Variants in CDHR3 observed in about 807,000 individuals in gnomAD.
CDHR3 encodes the protein cadherin-related family member 3.
Under a neutral mutation model 86.6 loss-of-function variants are expected in CDHR3, and 79 were observed. That is an observed-to-expected ratio of 0.91 (90% CI 0.76 to 1.10). The LOEUF (loss-of-function observed/expected upper bound fraction) is 1.10. Among genes scored for constraint, CDHR3 ranks in the 50% least tolerant of loss-of-function variants. The pLI is 0.00. For missense variants in CDHR3, 1,081 were observed against 1,077.6 expected (o/e 1.00, Z -0.04); for synonymous variants, 421 against 402.4 (o/e 1.05, Z -0.55).
intron 8 of CDHR3, among the ~76,000 whole-genome samples, chr7:106,009,706 C>T (rs997037467): frequency 2.0e-5 from 3 of 152,214 alleles, no homozygotes; most frequent in Admixed American, 1.3e-4. Context: ...CCTTTCGTAC[C>T]GTGGCCCCTG....
intron 2 of CDHR3, among the ~76,000 whole-genome samples, chr7:105,977,005 T>TG (rs1322637669): frequency 4.2e-5 from 6 of 143,132 alleles, no homozygotes; most frequent in African/African-American, 1.3e-4. Context: ...TTTTTTGAGA[T>TG]GGGGTCTCAC....
In CDHR3 at chr7:106,032,495, C is replaced by T. The variant is rs1364793075; in HGVS notation, c.2456C>T (p.Ala819Val). ...TGGAAAGAGTCCAGCCACCAGGGAGCTGCCCCACGCAGAGTCACTGCTGGG... is the reference window on the plus strand; with the variant it reads ...TGGAAAGAGTCCAGCCACCAGGGAGTTGCCCCACGCAGAGTCACTGCTGGG... The part of the protein sequence containing the change: ...PKWKESSHQG[A>V]APRRVTAGEG... The change falls in exon 19 of 19, where the codon GCT becomes GTT. Residue 819 changes from alanine (A) to valine (V), a missense_variant. Coordinates refer to ENST00000317716, the MANE Select transcript of CDHR3 (RefSeq NM_152750.5). 1 of 1,613,962 alleles carries T rather than the reference C, an allele frequency of 6.2e-7. No homozygotes were observed. Among genetic ancestry groups the T allele is most frequent in the Non-Finnish European group, 8.5e-7 (1 of 1,179,872 alleles).
intron 16 of CDHR3, among the ~76,000 whole-genome samples, chr7:106,028,181 A>ATAAAAT (rs1563310292): frequency 1.1e-4 from 15 of 139,752 alleles, no homozygotes; most frequent in African/African-American, 4.0e-4. Flanking sequence ...ATAAAATAAA[A>ATAAAAT]GGGCTTGGGA....
intron 4 of CDHR3, among the ~76,000 whole-genome samples, chr7:105,992,000 CTTAAT>C (rs1003989490): frequency 2.6e-5 from 4 of 152,220 alleles, no homozygotes; most frequent in Non-Finnish European, 4.4e-5. Flanking sequence ...AGTCACCAAA[CTTAAT>C]TTATTACCCT....
intron 6 of CDHR3, among the ~76,000 whole-genome samples, chr7:106,000,154 A>G (rs943292816): frequency 6.6e-6 from 1 of 152,170 alleles, no homozygotes; most frequent in African/African-American, 2.4e-5. Context: ...TGAGAAGGGG[A>G]TATGTCAAGT....
Position 105,988,432 on chromosome 7 carries a change from C to T in CDHR3, c.513+4143C>T, listed in dbSNP as rs1478424845. ...GAAGCGACCTAGGCTTGGTTTGTGT[C>T]TGTCATCTTAACCTGGTGGGGTCCA... On this transcript the variant is annotated intron_variant, in intron 4 of 18. Transcript: ENST00000317716. Among the ~76,000 whole-genome samples, 5 of 152,340 alleles carry T rather than the reference C, an allele frequency of 3.3e-5. No individual in the cohort carries two copies. In the East Asian group the frequency reaches 7.7e-4, roughly 23 times the overall value.
chr7:105,983,939 C>T lies in CDHR3; in HGVS notation c.416-253C>T, dbSNP rs1258935849. On this transcript the variant is annotated intron_variant, in intron 3 of 18. Coordinates refer to ENST00000317716, the MANE Select transcript of CDHR3 (RefSeq NM_152750.5). ...CACCTCAAACAGCATCACCCTGGGG[C>T]ACCTCTCAACAGAGGACATGAATGA... Among the ~76,000 whole-genome samples, 5 of 152,204 alleles carry T rather than the reference C, an allele frequency of 3.3e-5. No individual in the cohort carries two copies. The South Asian group carries it at 1.0e-3, about 32-fold the overall frequency.
At chr7:105,970,106 A>G (rs1378435534) in intron 1 of CDHR3, among the ~76,000 whole-genome samples, 2 of 152,082 alleles carry the variant, frequency 1.3e-5, no homozygotes, top group East Asian at 3.9e-4. Context: ...CTATTGAGTG[A>G]TGGTCTCAGG....
intron 6 of CDHR3, among the ~76,000 whole-genome samples, chr7:105,998,789 A>AAAAAAG (rs923596568): frequency 2.0e-5 from 3 of 152,132 alleles, no homozygotes; most frequent in East Asian, 1.9e-4. Context: ...CATCTCAAAC[A>AAAAAAG]AAAAAGAAAA....
chr7:105,989,572 C>G (rs1430997416), intron 4 of CDHR3, among the ~76,000 whole-genome samples: 1 of 152,102 alleles, frequency 6.6e-6, no homozygotes, highest in Non-Finnish European at 1.5e-5. Flanking sequence ...CCTTCTCTTT[C>G]TGTCTTTATC....
intron 14 of CDHR3, among the ~76,000 whole-genome samples, chr7:106,024,153 A>C (rs563943058): frequency 1.4e-4 from 21 of 152,224 alleles, no homozygotes; most frequent in South Asian, 8.3e-4. Context: ...TAAGGCCTAG[A>C]GTTGTTTTTC....
intron 6 of CDHR3, among the ~76,000 whole-genome samples, chr7:105,998,959 T>C (rs894583111): frequency 1.3e-5 from 2 of 152,224 alleles, no homozygotes; most frequent in Non-Finnish European, 2.9e-5. Context: ...CACCTGGTGC[T>C]TGGCAGTGTC....
At chr7:105,981,688 TC>T (rs1235547165) in intron 3 of CDHR3, among the ~76,000 whole-genome samples, 2 of 152,108 alleles carry the variant, frequency 1.3e-5, no homozygotes, top group African/African-American at 4.8e-5. Flanking sequence ...AACACAAACA[TC>T]CACCTTTCTC....
intron 5 of CDHR3, among the ~76,000 whole-genome samples, chr7:105,995,869 G>A (rs995704590): frequency 6.6e-6 from 1 of 152,132 alleles, no homozygotes; most frequent in South Asian, 2.1e-4. Context: ...GAGGCTCCTG[G>A]CTCTGCGTCG....
intron 8 of CDHR3, among the ~76,000 whole-genome samples, chr7:106,009,313 A>G (rs1834408511): frequency 6.6e-6 from 1 of 152,126 alleles, no homozygotes; most frequent in Admixed American, 6.5e-5. Context: ...TTCAGCCTAA[A>G]GCCCAGCCTC....
At chr7:105,975,633 C>T (rs1353674619) in intron 2 of CDHR3, among the ~76,000 whole-genome samples, 1 of 152,200 alleles carries the variant, frequency 6.6e-6, no homozygotes. Flanking sequence ...TCATTTGAAT[C>T]TTTTCCAAAG....
chr7:106,028,789 G>A (rs1837774549), intron 17 of CDHR3, among the ~76,000 whole-genome samples: 1 of 152,206 alleles, frequency 6.6e-6, no homozygotes, highest in Non-Finnish European at 1.5e-5. Flanking sequence ...TATATTTGCA[G>A]AAGAACAGGA....
chr7:106,031,522 G>A (rs1323257750), intron 18 of CDHR3, among the ~76,000 whole-genome samples: 2 of 152,180 alleles, frequency 1.3e-5, no homozygotes, highest in South Asian at 2.1e-4. Context: ...AAACGGCACC[G>A]GTCCTCCTCC....
At chr7:106,004,403 C>T (rs1833645895) in intron 7 of CDHR3, 95 bp from the exon 8 acceptor site, 1 of 940,548 alleles carries the variant, frequency 1.1e-6, no homozygotes, top group Non-Finnish European at 1.6e-6. Flanking sequence ...TAAGCTCTTC[C>T]TCATGTTCGA....
Sources: gnomAD v4.1 joint callset for allele counts (sites outside exome capture counted in the v4.1 genomes callset) on GRCh38, gnomAD v4.1.1 for gene constraint, MANE v1.5 for transcripts, NCBI Gene and HGNC (gene_info 2026-07-23, HGNC 2026-07-21) for gene names.